Variants in TBC1D32 observed in about 807,000 individuals in gnomAD.
The protein encoded by TBC1D32 is TBC1 domain family member 32.
In TBC1D32, 151 loss-of-function variants were observed where a neutral mutation model predicts 170.3. The observed-to-expected ratio is 0.89, with a 90% CI of 0.78 to 1.01. The LOEUF (loss-of-function observed/expected upper bound fraction) is 1.01. Among genes scored for constraint, TBC1D32 ranks in the 50% least tolerant of loss-of-function variants. TBC1D32 has a pLI of 0.00. For missense variants in TBC1D32, 1,464 were observed against 1,457.1 expected, an observed-to-expected ratio of 1.00 and a Z score of -0.08; for synonymous variants, 498 against 488.0, an observed-to-expected ratio of 1.02 and a Z score of -0.27.
Position 121,241,512 on chromosome 6 carries a change from G to A in TBC1D32, c.2198C>T (p.Thr733Ile), listed in dbSNP as rs1369634812. The change falls in exon 19 of 32, where the codon ACA becomes ATA. Residue 733 changes from threonine (T) to isoleucine (I), a missense_variant. Around this residue, in one of 3 missense-constraint regions of TBC1D32, gnomAD observed 1,363 missense variants for 1,338.1 expected, o/e 1.02. Transcript: ENST00000398212. ...HKKFGYGVLVTRVASTAAGGI... is the reference protein window; with the variant it reads ...HKKFGYGVLVIRVASTAAGGI... ...ACCTGCTGCTGTTGATGCCACTCGTGTAACCAAAACTCCATAGCCAAATTT... is the reference window on the plus strand; with the variant it reads ...ACCTGCTGCTGTTGATGCCACTCGTATAACCAAAACTCCATAGCCAAATTT... 13 of 1,613,352 alleles carry A rather than the reference G, an allele frequency of 8.1e-6. No individual in the cohort carries two copies. Among genetic ancestry groups the A allele is most frequent in the Non-Finnish European group, 1.1e-5 (13 of 1,179,708 alleles).
In TBC1D32 at chr6:121,156,913, G is replaced by A. The variant is rs891485554; in HGVS notation, c.2773+3097C>T. Reference sequence around the variant, plus strand: ...CATTTTTAAAAATTCACTGAGATTTGTTTTATGGCCAAGCATATGGTCAAT... The same window carrying A: ...CATTTTTAAAAATTCACTGAGATTTATTTTATGGCCAAGCATATGGTCAAT... On this transcript the variant is annotated intron_variant, in intron 24 of 31. Transcript: ENST00000398212. Among the ~76,000 whole-genome samples, 11 of 152,046 alleles carry A rather than the reference G, an allele frequency of 7.2e-5. No homozygotes were observed. The East Asian group carries it at 1.2e-3, about 16-fold the overall frequency.
chr6:121,327,964 C>T (rs769135613), intron 1 of TBC1D32, among the ~76,000 whole-genome samples: 90 of 152,098 alleles, frequency 5.9e-4, no homozygotes, highest in Admixed American at 1.3e-4. Flanking sequence ...ATTCAAGAAA[C>T]ACAAAAGCTC....
chr6:121,334,586 A>C (rs1054537944), upstream of TBC1D32: 3 of 832,726 alleles, frequency 3.6e-6, no homozygotes, highest in East Asian at 2.7e-5. Context: ...CTCAGCTGCC[A>C]GTGCGTCATT....
chr6:121,224,433 G>C (rs1037546525), intron 20 of TBC1D32: 10 of 151,952 alleles, frequency 6.6e-5, no homozygotes, highest in Admixed American at 3.9e-4. Context: ...TGGAGAACCA[G>C]ACATACTGAG....
At chr6:121,120,474 T>G (rs1780142792) in intron 26 of TBC1D32, among the ~76,000 whole-genome samples, 1 of 152,072 alleles carries the variant, frequency 6.6e-6, no homozygotes, top group South Asian at 2.1e-4. Flanking sequence ...TATGCTTAAG[T>G]CTAAAGAAAT....
At chr6:121,170,295 T>C (rs559649171) in intron 22 of TBC1D32, 132 of 1,091,700 alleles carry the variant, frequency 1.2e-4, no homozygotes, top group Admixed American at 9.7e-4. Context: ...TTAAATTGAT[T>C]GAATTTAGAA....
intron 24 of TBC1D32, among the ~76,000 whole-genome samples, chr6:121,154,787 A>G (rs1328447827): frequency 6.6e-6 from 1 of 152,174 alleles, no homozygotes; most frequent in East Asian, 1.9e-4. Context: ...TTCACAAACT[A>G]TTCATCTGAA....
chr6:121,271,260 C>A lies in TBC1D32; in HGVS notation c.1733+7861G>T, dbSNP rs138740278. Among the ~76,000 whole-genome samples the A allele has an allele frequency of 5.4e-3, 821 of 152,152 alleles. 6 individuals are homozygous for A. Among genetic ancestry groups the A allele is most frequent in the African/African-American group, 0.018 (758 of 41,492 alleles). On this transcript the variant is annotated intron_variant, in intron 15 of 31. Transcript: ENST00000398212. ...TCAACAGAGTTTTGGAAGTTCTGGC[C>A]AGGGCAATCAGGCAGGAGAAAGAAA...
intron 22 of TBC1D32, among the ~76,000 whole-genome samples, chr6:121,185,386 G>A (rs566384241): frequency 1.3e-5 from 2 of 152,130 alleles, no homozygotes; most frequent in African/African-American, 4.8e-5. Flanking sequence ...TCTTACAAAT[G>A]CCACTTTCAC....
chr6:121,278,735 T>A (rs751595945), intron 15 of TBC1D32, among the ~76,000 whole-genome samples: 4 of 152,134 alleles, frequency 2.6e-5, no homozygotes, highest in Non-Finnish European at 5.9e-5. Context: ...ACTGTTTATA[T>A]GTAGGTTTGT....
intron 10 of TBC1D32, among the ~76,000 whole-genome samples, chr6:121,297,357 A>G: frequency 6.6e-6 from 1 of 152,104 alleles, no homozygotes; most frequent in East Asian, 1.9e-4. Flanking sequence ...AAATTTTAAA[A>G]AAGGTTAAAT....
intron 26 of TBC1D32, among the ~76,000 whole-genome samples, chr6:121,122,562 A>T (rs1209966543): frequency 1.3e-5 from 2 of 151,998 alleles, no homozygotes; most frequent in African/African-American, 4.8e-5. Context: ...GTGGTAAAAA[A>T]AAAAGAAAAA....
At chr6:121,304,932 A>G (rs78278479) in intron 5 of TBC1D32, 99 bp from the exon 6 acceptor site, 20,475 of 804,816 alleles carry the variant, frequency 0.025, 846 homozygotes, top group East Asian at 0.14. Context: ...AATAAAATAA[A>G]TACAAATAAA....
rs143492566 is a variant in TBC1D32 at position 121,190,403 on chromosome 6, C to A, written c.2570+14672G>T. ...CCTCTGCACACATACCCCTTCCCCC[C>A]ACACACATCCACTCTCTCTACCCCC... On this transcript the variant is annotated intron_variant, in intron 22 of 31. Coordinates refer to ENST00000398212, the MANE Select transcript of TBC1D32 (RefSeq NM_152730.6). 3.1e-3 allele frequency among the ~76,000 whole-genome samples: 459 copies of A among 147,644 alleles called. 1 individual carries two copies. Among genetic ancestry groups the A allele is most frequent in the African/African-American group, 7.0e-3 (280 of 39,866 alleles).
intron 14 of TBC1D32, 67 bp downstream of exon 14, chr6:121,281,477 A>T: frequency 8.0e-7 from 1 of 1,244,434 alleles, no homozygotes; most frequent in Admixed American, 2.5e-5. Flanking sequence ...TTAGAAATAA[A>T]GTCCCACTGA....
At chr6:121,189,648 C>A (rs915526600) in intron 22 of TBC1D32, among the ~76,000 whole-genome samples, 8 of 151,998 alleles carry the variant, frequency 5.3e-5, no homozygotes, top group Non-Finnish European at 1.2e-4. Context: ...TAACACTATA[C>A]ACAGCTGCAT....
rs199707195 is a variant in TBC1D32, at chr6:121,304,421, A to T, written c.879T>A (p.Arg293=). Residue 293 remains arginine, a synonymous_variant, in exon 8 of 32, where the codon CGT becomes CGA. Coordinates refer to ENST00000398212, the MANE Select transcript of TBC1D32 (RefSeq NM_152730.6). ...PNMTRLLKKV[R]LLNEYQKEAP... ...CTTCTTTCTGATATTCATTTAGAAG[A>T]CGAACCTACAAAGCAGTGCACAATA... 19 of 1,613,484 alleles carry T rather than the reference A, an allele frequency of 1.2e-5. No individual in the cohort carries two copies. In the Admixed American group the frequency reaches 3.0e-4, roughly 26 times the overall value.
chr6:121,224,006 A>G (rs1339333404), intron 20 of TBC1D32, among the ~76,000 whole-genome samples: 1 of 152,196 alleles, frequency 6.6e-6, no homozygotes, highest in African/African-American at 2.4e-5. Context: ...GTGGTTGCCC[A>G]TCACTAAGCA....
chr6:121,331,641 C>T (rs9320807), intron 1 of TBC1D32, among the ~76,000 whole-genome samples: 97,912 of 152,076 alleles, frequency 0.64, 37,027 homozygotes, highest in Non-Finnish European at 0.85. Flanking sequence ...GAAATAAACA[C>T]TTTGGAAAGG....
Sources: gnomAD v4.1 joint callset for allele counts (sites outside exome capture counted in the v4.1 genomes callset) on GRCh38, gnomAD v4.1.1 for gene constraint, gnomAD v4.1.1 regional missense constraint, MANE v1.5 for transcripts, NCBI Gene and HGNC (gene_info 2026-07-23, HGNC 2026-07-21) for gene names.